The following OSBPL1A variants were observed in gnomAD, a reference collection of about 807,000 sequenced individuals.
The protein encoded by OSBPL1A is oxysterol binding protein like 1A.
OSBPL1A carries 80 observed loss-of-function variants against 137.1 expected under a neutral mutation model. That is an observed-to-expected ratio of 0.58 (90% CI 0.49 to 0.70). The LOEUF is 0.70. Among genes scored for constraint, OSBPL1A ranks in the 30% least tolerant of loss-of-function variants. OSBPL1A has a pLI of 0.00. For synonymous variants in OSBPL1A, 365 were observed against 389.7 expected (o/e 0.94, Z 0.75); for missense variants, 970 against 1,129.4 (o/e 0.86, Z 2.02).
intron 15 of OSBPL1A, among the ~76,000 whole-genome samples, chr18:24,249,652 T>C (rs1426822663): frequency 1.3e-5 from 2 of 152,136 alleles, no homozygotes; most frequent in African/African-American, 4.8e-5. Flanking sequence ...TCCCCTGTCA[T>C]AGTGGCGAGC....
chr18:24,350,690 A>G (rs1042507906), intron 4 of OSBPL1A, among the ~76,000 whole-genome samples: 5 of 152,202 alleles, frequency 3.3e-5, no homozygotes, highest in African/African-American at 1.2e-4. Flanking sequence ...CTTCTCAACA[A>G]CAACACTAAA....
intron 4 of OSBPL1A, chr18:24,358,625 C>A (rs2091574874): frequency 3.0e-6 from 2 of 663,914 alleles, no homozygotes; most frequent in Non-Finnish European, 5.5e-6. Flanking sequence ...AATACATAAA[C>A]ATGAGAAATG....
chr18:24,169,578 A>G (rs1467481499), intron 24 of OSBPL1A, among the ~76,000 whole-genome samples: 1 of 152,270 alleles, frequency 6.6e-6, no homozygotes, highest in African/African-American at 2.4e-5. Context: ...GCAGTGAGGC[A>G]GAGAGATGAG....
At chr18:24,385,710 G>C (rs1456809941) in intron 1 of OSBPL1A, among the ~76,000 whole-genome samples, 1 of 152,172 alleles carries the variant, frequency 6.6e-6, no homozygotes, top group Non-Finnish European at 1.5e-5. Flanking sequence ...CGAGCTCCAA[G>C]AGTATCTCCA....
chr18:24,220,427 C>T (rs2087852432), intron 17 of OSBPL1A, among the ~76,000 whole-genome samples: 1 of 152,136 alleles, frequency 6.6e-6, no homozygotes, highest in Non-Finnish European at 1.5e-5. Context: ...TTATTGCAAC[C>T]CTCTACTTTC....
chr18:24,253,894 T>C (rs1302637582), intron 15 of OSBPL1A, among the ~76,000 whole-genome samples: 2 of 152,216 alleles, frequency 1.3e-5, no homozygotes, highest in Non-Finnish European at 2.9e-5. Context: ...CCCTAAACTG[T>C]AATTTCTAAT....
intron 13 of OSBPL1A, among the ~76,000 whole-genome samples, chr18:24,307,100 A>AC (rs1031002621): frequency 8.6e-5 from 13 of 151,688 alleles, no homozygotes; most frequent in African/African-American, 3.1e-4. Flanking sequence ...TACAAAAAAA[A>AC]AAAAACAAAA....
chr18:24,334,928 C>T (rs1249921845), intron 5 of OSBPL1A, among the ~76,000 whole-genome samples: 1 of 152,174 alleles, frequency 6.6e-6, no homozygotes, highest in African/African-American at 2.4e-5. Flanking sequence ...GTCATCCTCT[C>T]GCCCAGGCTG....
At chr18:24,381,677 A>AC (rs1439246355) in intron 1 of OSBPL1A, among the ~76,000 whole-genome samples, 2 of 152,102 alleles carry the variant, frequency 1.3e-5, no homozygotes, top group Non-Finnish European at 2.9e-5. Context: ...AAAAATCAGG[A>AC]CCAGGCACAG....
intron 15 of OSBPL1A, among the ~76,000 whole-genome samples, chr18:24,254,296 C>A (rs748085523): frequency 6.6e-6 from 1 of 152,148 alleles, no homozygotes; most frequent in Non-Finnish European, 1.5e-5. Context: ...ATCCCCCAGA[C>A]AGAAAATCAA....
chr18:24,282,851 G>A (rs1346816327), intron 14 of OSBPL1A, among the ~76,000 whole-genome samples: 1 of 152,190 alleles, frequency 6.6e-6, no homozygotes, highest in Non-Finnish European at 1.5e-5. Context: ...GCTTATGTGT[G>A]TAATCCTCGC....
At chr18:24,316,106 A>C (rs977696473) in intron 11 of OSBPL1A, among the ~76,000 whole-genome samples, 1 of 151,380 alleles carries the variant, frequency 6.6e-6, no homozygotes, top group Non-Finnish European at 1.5e-5. Context: ...ACCAAAAAAC[A>C]CAAAAATTAG....
At position 24,318,793 on chromosome 18, in the gene OSBPL1A, G is replaced by GT; in HGVS notation, c.641dup (p.Asp214GlufsTer7). ...GTTTCATTTCAGCACCCTGGGCAAG[G>GT]TCAAGAGGTTTCTGATCTGTGCAAA... On this transcript the variant is annotated frameshift_variant, in exon 8 of 28. Coordinates refer to ENST00000319481, the MANE Select transcript of OSBPL1A (RefSeq NM_080597.4). LOFTEE classifies it high-confidence loss of function. 6.2e-7 allele frequency: 1 copy of GT among 1,613,482 alleles called. No individual in the cohort carries two copies. Among genetic ancestry groups the GT allele is most frequent in the Non-Finnish European group, 8.5e-7 (1 of 1,179,922 alleles).
intron 21 of OSBPL1A, among the ~76,000 whole-genome samples, chr18:24,174,026 T>C (rs2086361641): frequency 6.6e-6 from 1 of 152,228 alleles, no homozygotes; most frequent in Non-Finnish European, 1.5e-5. Context: ...CTTCAATTTG[T>C]ATAATGCACC....
At chr18:24,355,358 T>TG (rs2091515520) in intron 4 of OSBPL1A, among the ~76,000 whole-genome samples, 1 of 149,964 alleles carries the variant, frequency 6.7e-6, no homozygotes, top group African/African-American at 2.5e-5. Context: ...AAAAAATAGC[T>TG]GGGCATGGTG....
chr18:24,360,341 T>C (rs1034518711), intron 4 of OSBPL1A, among the ~76,000 whole-genome samples: 3 of 152,210 alleles, frequency 2.0e-5, no homozygotes, highest in African/African-American at 7.2e-5. Flanking sequence ...CAAATCCCTT[T>C]TCAACTCAAC....
At chr18:24,235,993 G>T (rs2088458493) in intron 16 of OSBPL1A, among the ~76,000 whole-genome samples, 1 of 152,116 alleles carries the variant, frequency 6.6e-6, no homozygotes, top group Middle Eastern at 3.2e-3. Flanking sequence ...TGGAGGATGG[G>T]GCCTTGAGCC....
At chr18:24,188,955 C>T (rs1295196927) in intron 18 of OSBPL1A, among the ~76,000 whole-genome samples, 1 of 152,120 alleles carries the variant, frequency 6.6e-6, no homozygotes, top group Admixed American at 6.6e-5. Context: ...ATTCCAATAA[C>T]AAGAAAAACA....
At chr18:24,266,482 C>G (rs982457839) in intron 15 of OSBPL1A, among the ~76,000 whole-genome samples, 1 of 151,872 alleles carries the variant, frequency 6.6e-6, no homozygotes, top group Non-Finnish European at 1.5e-5. Flanking sequence ...GTGGAAAAGG[C>G]AACAAGGGGA....
Sources: allele counts gnomAD v4.1 joint callset (sites outside exome capture counted in the v4.1 genomes callset), GRCh38; gene constraint gnomAD v4.1.1; transcripts MANE v1.5; gene names NCBI Gene and HGNC (gene_info 2026-07-23, HGNC 2026-07-21).